The following NAV1 variants were observed in gnomAD, a reference collection of about 807,000 sequenced individuals.
The protein encoded by NAV1 is neuron navigator 1, also known as pore membrane and/or filament interacting like protein 3.
In NAV1, 18 loss-of-function variants were observed where a neutral mutation model predicts 175.2. The ratio of observed to expected loss-of-function variants is 0.10; its 90% confidence interval spans 0.07 to 0.15. The LOEUF is 0.15. NAV1 is among the 10% of genes least tolerant of loss of function. NAV1 has a pLI of 1.00. For missense variants in NAV1, 1,731 were observed against 2,436.6 expected (o/e 0.71, Z 6.10); for synonymous variants, 897 against 978.7 (o/e 0.92, Z 1.56).
chr1:201,809,768 G>T (rs925263516), intron 22 of NAV1, among the ~76,000 whole-genome samples, 178 bp from the exon 27 acceptor site: 24 of 152,080 alleles, frequency 1.6e-4, no homozygotes, highest in Non-Finnish European at 2.6e-4. Context: ...ATATTAAACC[G>T]TCCAGGCACT....
chr1:201,619,063 G>A (rs909889488), upstream of NAV1, among the ~76,000 whole-genome samples: 7 of 152,132 alleles, frequency 4.6e-5, no homozygotes, highest in Admixed American at 2.0e-4. Flanking sequence ...ATCAAGTTGC[G>A]GAAGGAGGAG....
At chr1:201,639,619 C>G (rs1247759432) in intron 2 of NAV1, among the ~76,000 whole-genome samples, 1 of 152,192 alleles carries the variant, frequency 6.6e-6, no homozygotes, top group East Asian at 1.9e-4. Flanking sequence ...AGCTGAGAAA[C>G]CCTTGGCTGA....
chr1:201,601,301 G>C (rs751317828), intron 2 of NAV1, among the ~76,000 whole-genome samples: 5 of 152,178 alleles, frequency 3.3e-5, no homozygotes, highest in Non-Finnish European at 5.9e-5. Context: ...GAGCAACACA[G>C]TGAGATCCTG....
chr1:201,809,121 G>A (rs1223176573), intron 20 of NAV1, 43 bp from the exon 25 acceptor site: 2 of 1,575,724 alleles, frequency 1.3e-6, no homozygotes, highest in Non-Finnish European at 8.7e-7. Flanking sequence ...AGGAAAGGCT[G>A]CGGGTACTCC....
In NAV1 at chr1:201,736,783, C is replaced by T. The variant is rs551060249; in HGVS notation, c.1226+18028C>T. ...TTTGAAGAGAAGCCCCACAGGAGCA[C>T]AGAGGAAGCCTATGTGAGATAGACA... On this transcript the variant is annotated intron_variant, in intron 3 of 29. Transcript: ENST00000367296. Among the ~76,000 whole-genome samples, 4 of 152,266 alleles carry T rather than the reference C, an allele frequency of 2.6e-5. No individual in the cohort carries two copies. In the South Asian group the frequency reaches 8.3e-4, roughly 32 times the overall value.
chr1:201,609,090 G>C (rs1667774290), intron 2 of NAV1, among the ~76,000 whole-genome samples: 1 of 152,246 alleles, frequency 6.6e-6, no homozygotes, highest in African/African-American at 2.4e-5. Context: ...AACTCGGGAA[G>C]ATGCTTAGCG....
intron 1 of NAV1, among the ~76,000 whole-genome samples, chr1:201,587,492 C>A (rs1387381815): frequency 6.6e-6 from 1 of 151,556 alleles, no homozygotes; most frequent in East Asian, 2.0e-4. Context: ...TTGAGACTAT[C>A]CTGGGAAACA....
intron 28 of NAV1, 103 bp from the exon 33 acceptor site, chr1:201,816,985 A>AT: frequency 9.3e-7 from 1 of 1,072,726 alleles, no homozygotes; most frequent in Non-Finnish European, 1.3e-6. Flanking sequence ...GGAAGTGCAT[A>AT]TTTTTAAGGA....
intron 29 of NAV1, among the ~76,000 whole-genome samples, chr1:201,819,454 ATTTT>A (rs11390244): frequency 3.0e-5 from 4 of 132,606 alleles, no homozygotes; most frequent in Admixed American, 7.6e-5. Flanking sequence ...CATGATCTAG[ATTTT>A]TTTTTTTTTT....
chr1:201,709,170 C>G (rs568684629), intron 1 of NAV1, among the ~76,000 whole-genome samples: 34 of 147,908 alleles, frequency 2.3e-4, no homozygotes, highest in African/African-American at 8.0e-4. Flanking sequence ...AACCATTGAA[C>G]TTTTAGGTTA....
intron 1 of NAV1, among the ~76,000 whole-genome samples, chr1:201,699,109 T>G (rs1227560825): frequency 6.6e-6 from 1 of 152,092 alleles, no homozygotes; most frequent in Non-Finnish European, 1.5e-5. Flanking sequence ...GCAAGAGAAA[T>G]AAATAAAGGG....
At chr1:201,560,433 C>A (rs1666165006) in intron 1 of NAV1, among the ~76,000 whole-genome samples, 1 of 152,214 alleles carries the variant, frequency 6.6e-6, no homozygotes, top group South Asian at 2.1e-4. Flanking sequence ...GCCAGAACAA[C>A]TTGCCCCATT....
chr1:201,804,454 C>A, intron 16 of NAV1, 35 bp from the exon 21 acceptor site: 1 of 1,529,040 alleles, frequency 6.5e-7, no homozygotes, highest in Non-Finnish European at 8.8e-7. Flanking sequence ...TTTTTTCCTT[C>A]AAAATGCTGA....
At chr1:201,546,684 C>G (rs1362243952) in intron 1 of NAV1, among the ~76,000 whole-genome samples, 3 of 151,946 alleles carry the variant, frequency 2.0e-5, no homozygotes, top group African/African-American at 7.2e-5. Context: ...GTGGGTGGGT[C>G]ACGAGATCAG....
At chr1:201,555,069 C>G (rs1431608031) in intron 1 of NAV1, among the ~76,000 whole-genome samples, 1 of 152,166 alleles carries the variant, frequency 6.6e-6, no homozygotes, top group Non-Finnish European at 1.5e-5. Context: ...TTTCCCTCTC[C>G]TTATAAATAC....
At chr1:201,766,742 A>T (rs1163896082) in intron 3 of NAV1, among the ~76,000 whole-genome samples, 1 of 152,206 alleles carries the variant, frequency 6.6e-6, no homozygotes, top group Non-Finnish European at 1.5e-5. Context: ...TTTAAAGCGG[A>T]CATTTCATTG....
chr1:201,778,201 T>G (rs1039126677), intron 3 of NAV1, among the ~76,000 whole-genome samples: 2 of 152,200 alleles, frequency 1.3e-5, no homozygotes, highest in Non-Finnish European at 2.9e-5. Flanking sequence ...TCCTAGAAGA[T>G]AAATCCCTCT....
At chr1:201,614,015 A>G (rs12071970) in intron 2 of NAV1, among the ~76,000 whole-genome samples, 35,759 of 140,900 alleles carry the variant, frequency 0.25, 4,997 homozygotes, top group African/African-American at 0.41. Context: ...GATTTGTACA[A>G]CGGTCTGAGG....
At position 201,707,278 on chromosome 1, in the gene NAV1, C is replaced by T. The variant is rs145663912; in HGVS notation, c.758-5539C>T. 5.3e-5 allele frequency among the ~76,000 whole-genome samples: 8 copies of T among 152,308 alleles called. No individual in the cohort carries two copies. In the East Asian group the frequency reaches 1.5e-3, roughly 29 times the overall value. ...AGAGACAAGGGGCCAGCCTCAGTGC[C>T]AGCCCGAGGGTGCACCCGTTGTTCA... is the stretch of plus-strand genomic sequence containing the variant. On this transcript the variant is annotated intron_variant, in intron 1 of 29. Transcript: ENST00000367296.
Sources: gnomAD v4.1 joint callset for allele counts (sites outside exome capture counted in the v4.1 genomes callset) on GRCh38, gnomAD v4.1.1 for gene constraint, MANE v1.5 for transcripts, NCBI Gene and HGNC (gene_info 2026-07-23, HGNC 2026-07-21) for gene names.